The following SYNJ1 variants were observed in gnomAD, a reference collection of about 807,000 sequenced individuals.
SYNJ1 encodes polyphosphatidylinositol phosphatase SYNJ1.
In SYNJ1, 78 loss-of-function variants were observed where a neutral mutation model predicts 168.2. The ratio of observed to expected loss-of-function variants is 0.46; its 90% CI spans 0.39 to 0.56. The LOEUF is 0.56. SYNJ1 is among the 20% of genes least tolerant of loss of function. The probability of loss-of-function intolerance (pLI) is 0.00; values close to 1 mark genes in which losing one functional copy is unlikely to be tolerated. For synonymous variants in SYNJ1, 539 were observed against 548.6 expected, an observed-to-expected ratio of 0.98 and a Z score of 0.24; for missense variants, 1,303 against 1,597.6, an observed-to-expected ratio of 0.82 and a Z score of 3.14.
rs747414228 is a variant in SYNJ1, at chr21:32,695,148, G to A, written c.614C>T (p.Ser205Leu). 13 of 1,613,964 alleles carry A rather than the reference G, an allele frequency of 8.1e-6. 1 individual carries two copies. ...AHKQAKACLI[S>L]RLSCERAGTR... Reference sequence around the variant, plus strand: ...CCCAGCTCGTTCACAGCTTAATCTTGAAATGAGGCAAGCCTTCGCCTGTTT... The same window carrying A: ...CCCAGCTCGTTCACAGCTTAATCTTAAAATGAGGCAAGCCTTCGCCTGTTT... The change falls in exon 5 of 33, where the codon TCA becomes TTA. Residue 205 changes from serine to leucine, a missense_variant. By Grantham distance (145) the Ser-to-Leu change is moderately radical (BLOSUM62 -2). Around this residue, in one of 2 missense-constraint regions of SYNJ1, gnomAD observed 920 missense variants for 1,208.8 expected, o/e 0.76. Transcript: ENST00000674351.
At position 32,640,585 on chromosome 21, in the gene SYNJ1, G is replaced by A. The variant is rs536915392; in HGVS notation, c.3589-806C>T. ...GCTGGGACCACAGGCGTGAGCCACC[G>A]TACCTGGTCAAGATTTGTTTTTTAA... On this transcript the variant is annotated intron_variant, in intron 29 of 32. Coordinates refer to ENST00000674351, the MANE Select transcript of SYNJ1 (RefSeq NM_203446.3). Among the ~76,000 whole-genome samples, 16 of 152,206 alleles carry A rather than the reference G, an allele frequency of 1.1e-4. No individual in the cohort carries two copies. In the East Asian group the frequency reaches 1.2e-3, roughly 11 times the overall value.
rs948944785 is a variant in SYNJ1 at position 32,630,924 on chromosome 21, A to T, written c.*881T>A. 7.0e-7 allele frequency: 1 copy of T among 1,420,778 alleles called. No homozygotes were observed. The highest frequency in any genetic ancestry group is 1.4e-5 in the African/African-American group (1 of 69,998). The allele number at this position is 1,420,778 out of a possible 1,614,324, so 88.0% of individuals were successfully genotyped here. A position where few individuals can be genotyped will look rare whatever the true frequency, so the allele number is the denominator to read the frequency against. On this transcript the variant is annotated 3_prime_UTR_variant, in exon 33 of 33. Coordinates refer to ENST00000674351, the MANE Select transcript of SYNJ1 (RefSeq NM_203446.3). ...TACAATGACTTATTGCACATAATGA[A>T]ATACTAATGCCCAATTCTCTTAGCT...
intron 18 of SYNJ1, among the ~76,000 whole-genome samples, chr21:32,659,948 G>C (rs1306682192): frequency 6.6e-6 from 1 of 152,186 alleles, no homozygotes; most frequent in Non-Finnish European, 1.5e-5. Context: ...TGAGCAATGC[G>C]GATCCTGAGA....
At chr21:32,661,035 T>A (rs2040678664) in intron 18 of SYNJ1, among the ~76,000 whole-genome samples, 1 of 152,088 alleles carries the variant, frequency 6.6e-6, no homozygotes, top group Non-Finnish European at 1.5e-5. Context: ...ACCTGGTACC[T>A]ACCTATTCTA....
intron 9 of SYNJ1, among the ~76,000 whole-genome samples, chr21:32,684,829 G>A (rs1257806220): frequency 6.6e-6 from 1 of 152,204 alleles, no homozygotes; most frequent in African/African-American, 2.4e-5. Flanking sequence ...ACTTGCAGCA[G>A]ATGGAAATGG....
At chr21:32,689,487 G>C (rs1312230212) in intron 6 of SYNJ1, among the ~76,000 whole-genome samples, 2 of 152,166 alleles carry the variant, frequency 1.3e-5, no homozygotes, top group Non-Finnish European at 2.9e-5. Flanking sequence ...AGTAGAGACA[G>C]GGTTTCGCCA....
intron 15 of SYNJ1, 115 bp downstream of exon 15, chr21:32,670,173 G>T: frequency 1.3e-6 from 1 of 765,590 alleles, no homozygotes; most frequent in South Asian, 2.1e-5. Context: ...ACAGTTTTAC[G>T]AGCACCCTTC....
In SYNJ1 at chr21:32,711,481, C is replaced by T. The variant is rs143763459; in HGVS notation, c.125-9434G>A. ...CAGAGTAGCTGGGACTACAGGCGCG[C>T]GCCACCATGCCCAGCTAATTTTTGT... On this transcript the variant is annotated intron_variant, in intron 2 of 32. Coordinates refer to ENST00000674351, the MANE Select transcript of SYNJ1 (RefSeq NM_203446.3). Among the ~76,000 whole-genome samples the T allele has an allele frequency of 7.8e-3, 1,185 of 152,034 alleles. 10 individuals are homozygous for T. The highest frequency in any genetic ancestry group is 0.041 in the Middle Eastern group (12 of 294).
At chr21:32,656,651 G>T in intron 21 of SYNJ1, 36 bp downstream of exon 21, 2 of 1,537,408 alleles carry the variant, frequency 1.3e-6, no homozygotes. Flanking sequence ...GATTGTTTAT[G>T]AATCACAAGC....
chr21:32,728,132 T>C, upstream of SYNJ1: 1 of 1,400,530 alleles, frequency 7.1e-7, no homozygotes, highest in African/African-American at 1.5e-5. Context: ...GCCGACCGGC[T>C]GGGCCTGGCA....
intron 6 of SYNJ1, among the ~76,000 whole-genome samples, chr21:32,688,733 A>C (rs2041919457): frequency 6.6e-6 from 1 of 152,234 alleles, no homozygotes; most frequent in African/African-American, 2.4e-5. Flanking sequence ...AATTAAAAAA[A>C]CCAAAATACC....
chr21:32,657,568 TA>T, intron 19 of SYNJ1, 147 bp downstream of exon 19: 1 of 691,502 alleles, frequency 1.4e-6, no homozygotes. Context: ...CTGATATTTC[TA>T]AAAATCTGAC....
chr21:32,678,304 A>G (rs1569081314), intron 12 of SYNJ1, among the ~76,000 whole-genome samples: 2 of 152,216 alleles, frequency 1.3e-5, no homozygotes, highest in Non-Finnish European at 2.9e-5. Context: ...ATTTTTCTGC[A>G]TAATTAGATT....
intron 2 of SYNJ1, among the ~76,000 whole-genome samples, chr21:32,718,900 C>T (rs547673282): frequency 4.5e-4 from 68 of 152,294 alleles, no homozygotes; most frequent in African/African-American, 1.6e-3. Flanking sequence ...TTAACCTTAA[C>T]GCCTTCCCTT....
chr21:32,632,641 C>T (rs1288062093), intron 32 of SYNJ1, among the ~76,000 whole-genome samples: 1 of 152,176 alleles, frequency 6.6e-6, no homozygotes, highest in East Asian at 1.9e-4. Flanking sequence ...CCACCTTAGC[C>T]TCCCAAAGTG....
rs570732771 is a variant in SYNJ1, at chr21:32,697,736, G to A, written c.479+2102C>T. Among the ~76,000 whole-genome samples the A allele has an allele frequency of 2.0e-5, 3 of 152,378 alleles. No homozygotes were observed. In the South Asian group the frequency reaches 6.2e-4, roughly 32 times the overall value. On this transcript the variant is annotated intron_variant, in intron 4 of 32. Coordinates refer to ENST00000674351, the MANE Select transcript of SYNJ1 (RefSeq NM_203446.3). Reference sequence around the variant, plus strand: ...GAATTGCTTGAACCCAGGAGGTGAAGGTTGCAGTGAGCCAAGATCGCGCCA... The same window carrying A: ...GAATTGCTTGAACCCAGGAGGTGAAAGTTGCAGTGAGCCAAGATCGCGCCA...
chr21:32,719,936 G>T (rs1022995458), intron 2 of SYNJ1, among the ~76,000 whole-genome samples: 3 of 151,686 alleles, frequency 2.0e-5, no homozygotes, highest in East Asian at 1.9e-4. Context: ...GTGGCCTAGG[G>T]GTGTTGTGAA....
intron 4 of SYNJ1, among the ~76,000 whole-genome samples, chr21:32,699,040 A>G (rs572482581): frequency 4.6e-5 from 7 of 152,334 alleles, no homozygotes; most frequent in African/African-American, 1.7e-4. Flanking sequence ...GCCAACTTCA[A>G]TAAACCGACA....
At chr21:32,636,630 T>A (rs2039578531) in intron 31 of SYNJ1, among the ~76,000 whole-genome samples, 1 of 152,118 alleles carries the variant, frequency 6.6e-6, no homozygotes, top group Non-Finnish European at 1.5e-5. Context: ...TTATTATTTT[T>A]AAAATAGGCA....
Sources: allele counts gnomAD v4.1 joint callset (sites outside exome capture counted in the v4.1 genomes callset), GRCh38; gene constraint gnomAD v4.1.1; regional missense constraint gnomAD v4.1.1; transcripts MANE v1.5; gene names NCBI Gene and HGNC (gene_info 2026-07-23, HGNC 2026-07-21).